ALK: variants seen among roughly 807,000 people sequenced by gnomAD.
ALK encodes the protein ALK tyrosine kinase receptor.
A neutral mutation model predicts 163.1 loss-of-function variants in ALK; 74 were observed. The observed-to-expected ratio is 0.45, with a 90% confidence interval of 0.38 to 0.55. ALK has a LOEUF of 0.55. Among genes scored for constraint, ALK ranks in the 20% least tolerant of loss-of-function variants. The pLI, the probability that ALK is intolerant of heterozygous loss-of-function variation, is 0.00. For missense variants in ALK, 2,063 were observed against 2,105.3 expected (o/e 0.98, Z 0.39); for synonymous variants, 960 against 843.2 (o/e 1.14, Z -2.40).
At chr2:29,725,717 A>G (rs1411477801) in intron 1 of ALK, among the ~76,000 whole-genome samples, 1 of 152,032 alleles carries the variant, frequency 6.6e-6, no homozygotes, top group Non-Finnish European at 1.5e-5. Flanking sequence ...GGTGTCATGT[A>G]GGACATGCTT....
chr2:29,742,492 G>A (rs141753091), intron 1 of ALK, among the ~76,000 whole-genome samples: 9 of 152,204 alleles, frequency 5.9e-5, no homozygotes, highest in Admixed American at 5.9e-4. Flanking sequence ...AATAGAAAGG[G>A]GCTAGGCCAA....
At chr2:29,290,306 A>ACC (rs1353597728) in intron 9 of ALK, among the ~76,000 whole-genome samples, 3 of 152,166 alleles carry the variant, frequency 2.0e-5, no homozygotes, top group Admixed American at 2.0e-4. Flanking sequence ...GGAGCCAAGC[A>ACC]CCCTGGAAGG....
At chr2:29,815,658 C>T (rs1202340751) in intron 1 of ALK, among the ~76,000 whole-genome samples, 2 of 152,146 alleles carry the variant, frequency 1.3e-5, no homozygotes, top group African/African-American at 4.8e-5. Flanking sequence ...GTAGTAGTGA[C>T]ATTATTAATT....
At chr2:29,274,123 G>A (rs780714043) in intron 11 of ALK, among the ~76,000 whole-genome samples, 23 of 152,228 alleles carry the variant, frequency 1.5e-4, no homozygotes, top group Admixed American at 3.3e-4. Flanking sequence ...TAGCCCTGGG[G>A]CAGCTTTTCA....
At chr2:29,387,519 C>T (rs767279712) in intron 4 of ALK, among the ~76,000 whole-genome samples, 25 of 152,086 alleles carry the variant, frequency 1.6e-4, no homozygotes, top group Non-Finnish European at 2.9e-4. Flanking sequence ...TCCTGGATTC[C>T]GGTCGTGGAT....
intron 25 of ALK, chr2:29,207,997 T>TAATTACCTC (rs1377035350): frequency 4.5e-6 from 2 of 440,526 alleles, no homozygotes; most frequent in African/African-American, 4.0e-5. Flanking sequence ...CGACATTAAT[T>TAATTACCTC]AATTACCTCA....
At chr2:29,720,598 C>T (rs1281551961) in intron 1 of ALK, among the ~76,000 whole-genome samples, 1 of 152,190 alleles carries the variant, frequency 6.6e-6, no homozygotes, top group Non-Finnish European at 1.5e-5. Context: ...CACATGAATG[C>T]AGTTGTTTTC....
At chr2:29,824,709 A>G (rs878955232) in intron 1 of ALK, among the ~76,000 whole-genome samples, 2 of 152,136 alleles carry the variant, frequency 1.3e-5, no homozygotes, top group Non-Finnish European at 2.9e-5. Flanking sequence ...CTGTACCCCC[A>G]TTGTATCTAG....
intron 4 of ALK, among the ~76,000 whole-genome samples, chr2:29,526,549 A>G (rs1427743620): frequency 6.6e-6 from 1 of 152,224 alleles, no homozygotes; most frequent in African/African-American, 2.4e-5. Flanking sequence ...TATTCAGACC[A>G]TGGGGGAAAA....
At chr2:29,573,244 G>A (rs1436867632) in intron 3 of ALK, among the ~76,000 whole-genome samples, 2 of 152,134 alleles carry the variant, frequency 1.3e-5, no homozygotes, top group Non-Finnish European at 2.9e-5. Flanking sequence ...CTGATTACCT[G>A]TTGCTTGATG....
chr2:29,518,707 T>TA (rs1672736588), intron 4 of ALK, among the ~76,000 whole-genome samples: 2 of 152,142 alleles, frequency 1.3e-5, no homozygotes, highest in Non-Finnish European at 2.9e-5. Flanking sequence ...TAGAAGAGAC[T>TA]AAAATCACTT....
At chr2:29,207,942 TCTC>T in intron 25 of ALK, 2 of 412,656 alleles carry the variant, frequency 4.8e-6, no homozygotes, top group Middle Eastern at 3.4e-4. Flanking sequence ...AGCCTGGTGT[TCTC>T]CTGTGTGAGT....
intron 1 of ALK, among the ~76,000 whole-genome samples, chr2:29,862,190 C>A (rs185317854): frequency 2.6e-5 from 4 of 152,160 alleles, no homozygotes; most frequent in African/African-American, 9.6e-5. Flanking sequence ...AAAAGTTGAA[C>A]GTTTTTCCTT....
intron 3 of ALK, among the ~76,000 whole-genome samples, chr2:29,624,353 TCACA>T (rs1343976963): frequency 2.0e-5 from 3 of 152,212 alleles, no homozygotes; most frequent in Non-Finnish European, 4.4e-5. Flanking sequence ...CCCTGAGCTC[TCACA>T]CAGAGTATTT....
intron 1 of ALK, among the ~76,000 whole-genome samples, chr2:29,902,806 G>A (rs561482580): frequency 6.6e-6 from 1 of 152,026 alleles, no homozygotes; most frequent in Admixed American, 6.6e-5. Context: ...CAGGAAGCCT[G>A]TACTCACCAA....
chr2:29,646,945 G>GT (rs1676892934), intron 3 of ALK, among the ~76,000 whole-genome samples: 1 of 152,172 alleles, frequency 6.6e-6, no homozygotes, highest in African/African-American at 2.4e-5. Context: ...TGTTGATTGG[G>GT]TTCACTGATG....
chr2:29,253,879 GATAGATAGA>G (rs1664885870), intron 11 of ALK, among the ~76,000 whole-genome samples: 3 of 151,830 alleles, frequency 2.0e-5, no homozygotes, highest in African/African-American at 7.3e-5. Flanking sequence ...TAGATAGATA[GATAGATAGA>G]TAGATAGGTA....
chr2:29,622,226 CA>C (rs886088554), intron 3 of ALK, among the ~76,000 whole-genome samples: 8 of 152,178 alleles, frequency 5.3e-5, no homozygotes, highest in African/African-American at 1.9e-4. Context: ...AACCAACCAA[CA>C]AATAAAAAGC....
At chr2:29,646,830 T>G (rs1676889406) in intron 3 of ALK, among the ~76,000 whole-genome samples, 2 of 152,190 alleles carry the variant, frequency 1.3e-5, no homozygotes, top group Admixed American at 1.3e-4. Flanking sequence ...CTTCCTTGCT[T>G]TATTGTCCTT....
Sources: gnomAD v4.1 joint callset for allele counts (sites outside exome capture counted in the v4.1 genomes callset) on GRCh38, gnomAD v4.1.1 for gene constraint, MANE v1.5 for transcripts, NCBI Gene and HGNC (gene_info 2026-07-23, HGNC 2026-07-21) for gene names.